SEC31A: variants seen among roughly 807,000 people sequenced by gnomAD.
SEC31A encodes SEC31 homolog A, COPII component, also known as protein transport protein Sec31A.
In SEC31A, 70 loss-of-function variants were observed where a neutral mutation model predicts 151.0. The ratio of observed to expected loss-of-function variants is 0.46; its 90% CI spans 0.38 to 0.57. The LOEUF (loss-of-function observed/expected upper bound fraction) is 0.57, where lower values mean the gene tolerates loss of function less well. SEC31A is among the 20% of genes least tolerant of loss of function. SEC31A has a pLI of 0.00. For missense variants in SEC31A, 1,330 were observed against 1,471.2 expected (o/e 0.90, Z 1.57); for synonymous variants, 475 against 505.9 (o/e 0.94, Z 0.82).
intron 1 of SEC31A, among the ~76,000 whole-genome samples, chr4:82,884,467 T>C (rs1740192097): frequency 1.3e-5 from 2 of 152,234 alleles, no homozygotes; most frequent in African/African-American, 2.4e-5. Flanking sequence ...AAAAAATTGC[T>C]ACACATTTCC....
intron 3 of SEC31A, chr4:82,898,031 A>G (rs1451514183): frequency 3.3e-5 from 5 of 152,334 alleles, no homozygotes; most frequent in African/African-American, 1.2e-4. Flanking sequence ...AGACCCATGT[A>G]TCTTTTCTCA....
intron 14 of SEC31A, chr4:82,858,061 C>T (rs938266370): frequency 2.6e-5 from 6 of 226,486 alleles, no homozygotes; most frequent in Admixed American, 5.4e-5. Context: ...GCAGATCACT[C>T]GAGGTCAGAA....
chr4:82,878,250 C>T (rs1337046559), intron 4 of SEC31A, among the ~76,000 whole-genome samples: 1 of 151,978 alleles, frequency 6.6e-6, no homozygotes, highest in African/African-American at 2.4e-5. Flanking sequence ...AATCCCAGCA[C>T]TTTGGGAGGC....
intron 1 of SEC31A, among the ~76,000 whole-genome samples, chr4:82,884,178 G>A (rs1166462000): frequency 2.6e-5 from 4 of 151,460 alleles, no homozygotes; most frequent in Non-Finnish European, 2.9e-5. Context: ...TAGTAGAGAC[G>A]GGGTTTCACC....
chr4:82,840,377 AC>A (rs1207099157), intron 22 of SEC31A, among the ~76,000 whole-genome samples: 1 of 152,158 alleles, frequency 6.6e-6, no homozygotes, highest in Non-Finnish European at 1.5e-5. Context: ...ATCTTCAGTC[AC>A]CCAAGTTTTA....
chr4:82,837,118 A>G (rs1201231344), intron 22 of SEC31A, among the ~76,000 whole-genome samples: 1 of 145,526 alleles, frequency 6.9e-6, no homozygotes, highest in East Asian at 2.0e-4. Flanking sequence ...ACTTAATGCC[A>G]CAGAGCTGTA....
At chr4:82,879,546 G>A (rs1174446568) in intron 3 of SEC31A, among the ~76,000 whole-genome samples, 1 of 152,182 alleles carries the variant, frequency 6.6e-6, no homozygotes, top group Non-Finnish European at 1.5e-5. Context: ...CCAGAATGGA[G>A]ATGAAATATG....
intron 20 of SEC31A, among the ~76,000 whole-genome samples, chr4:82,846,526 C>T (rs1271857174): frequency 6.6e-6 from 1 of 151,806 alleles, no homozygotes; most frequent in Non-Finnish European, 1.5e-5. Flanking sequence ...CCTCCTCCAC[C>T]TTTTCTCCCT....
intron 7 of SEC31A, among the ~76,000 whole-genome samples, chr4:82,870,633 G>GGCTGCAGTGAGCTGAGATTGAGCC (rs1356860631): frequency 6.6e-6 from 1 of 152,154 alleles, no homozygotes; most frequent in African/African-American, 2.4e-5. Context: ...GGGAGGTGGA[G>GGCTGCAGTGAGCTGAGATTGAGCC]GCTGCAGTGA....
At chr4:82,867,474 A>C (rs1284720919) in intron 8 of SEC31A, among the ~76,000 whole-genome samples, 158 bp from the exon 9 acceptor site, 3 of 152,244 alleles carry the variant, frequency 2.0e-5, no homozygotes, top group African/African-American at 7.2e-5. Context: ...GATTTTTTAA[A>C]GTGCAAGAAT....
chr4:82,842,445 C>G lies in SEC31A; in HGVS notation c.2663G>C (p.Gly888Ala). The G allele has an allele frequency of 2.5e-6, 4 of 1,613,464 alleles. No homozygotes were observed. The highest frequency in any genetic ancestry group is 3.4e-6 in the Non-Finnish European group (4 of 1,179,794). The change falls in exon 22 of 27, where the codon GGG becomes GCG. Residue 888 changes from glycine to alanine, a missense_variant. Transcript: ENST00000395310. ...CTGAGGTCGATACATTGCTGACCCC[C>G]CTGTTCCGAAGGGATACGGCTGGGC... The part of the protein sequence containing the change: ...QPAQPYPFGT[G>A]GSAMYRPQQP...
At chr4:82,829,176 G>A (rs1287493781) in intron 22 of SEC31A, 118 bp from the exon 23 acceptor site, 16 of 761,966 alleles carry the variant, frequency 2.1e-5, no homozygotes, top group Non-Finnish European at 3.5e-5. Context: ...CTGTCACAAA[G>A]GTTTTACCAG....
At chr4:82,856,837 A>G in intron 16 of SEC31A, 115 bp downstream of exon 16, 3 of 857,904 alleles carry the variant, frequency 3.5e-6, no homozygotes, top group Non-Finnish European at 3.5e-6. Flanking sequence ...GGAATTATGA[A>G]TGAGCTTTTA....
At chr4:82,864,782 T>G (rs1390992079) in intron 10 of SEC31A, among the ~76,000 whole-genome samples, 184 bp from the exon 11 acceptor site, 1 of 152,052 alleles carries the variant, frequency 6.6e-6, no homozygotes. Flanking sequence ...TTTTTGGTTT[T>G]TTTTTTTTTG....
At chr4:82,871,614 A>G (rs903005182) in intron 7 of SEC31A, 1 of 557,408 alleles carries the variant, frequency 1.8e-6, no homozygotes, top group African/African-American at 1.9e-5. Context: ...CATCTCTACT[A>G]AAACTATGAA....
chr4:82,858,317 G>A (rs1036020639), intron 14 of SEC31A, among the ~76,000 whole-genome samples: 14 of 151,522 alleles, frequency 9.2e-5, no homozygotes, highest in South Asian at 2.1e-4. Flanking sequence ...AGGCCGAGGC[G>A]GGCAGATCAC....
At chr4:82,852,190 C>T (rs964573634) in intron 18 of SEC31A, among the ~76,000 whole-genome samples, 10 of 152,208 alleles carry the variant, frequency 6.6e-5, no homozygotes, top group African/African-American at 2.4e-4. Context: ...GCTCCTCCTT[C>T]ACCTTGAGCC....
At chr4:82,866,644 G>A (rs1735466345) in intron 10 of SEC31A, among the ~76,000 whole-genome samples, 164 bp downstream of exon 10, 1 of 152,090 alleles carries the variant, frequency 6.6e-6, no homozygotes, top group African/African-American at 2.4e-5. Context: ...AAAAAGAGTA[G>A]GTTCCAATTT....
rs1353830173 is a variant in SEC31A, at chr4:82,842,322, T to C, written c.2786A>G (p.Gln929Arg). The change falls in exon 22 of 27, where the codon CAG (glutamine) becomes CGG (arginine). Residue 929 changes from glutamine to arginine, a missense_variant. Transcript: ENST00000395310. ...GGAGGTAGGTGAAGAGGCCTGGTGC[T>C]GTGCTGCGTACAGCTGAGACTGCCC... ...YTGQSQLYAA[Q>R]HQASSPTSSP... 6.2e-7 allele frequency: 1 copy of C among 1,613,634 alleles called. No individual in the cohort carries two copies. Among genetic ancestry groups the C allele is most frequent in the Non-Finnish European group, 8.5e-7 (1 of 1,179,784 alleles).
Sources: allele counts gnomAD v4.1 joint callset (sites outside exome capture counted in the v4.1 genomes callset), GRCh38; gene constraint gnomAD v4.1.1; transcripts MANE v1.5; gene names NCBI Gene and HGNC (gene_info 2026-07-23, HGNC 2026-07-21).